The following FCRL3 variants were observed in gnomAD, a reference collection of about 807,000 sequenced individuals.
The protein encoded by FCRL3 is Fc receptor like 3, also known as Fc receptor-like protein 3.
FCRL3 carries 89 observed loss-of-function variants against 75.0 expected under a neutral mutation model. That is an observed-to-expected ratio of 1.19 (90% CI 1.00 to 1.42). The LOEUF (loss-of-function observed/expected upper bound fraction) is 1.42, where lower values mean the gene tolerates loss of function less well. Among genes scored for constraint, FCRL3 ranks in the 40% most tolerant of loss-of-function variants. The probability of loss-of-function intolerance (pLI) is 0.00; values close to 1 mark genes in which losing one functional copy is unlikely to be tolerated. For synonymous variants in FCRL3, 376 were observed against 348.5 expected, an observed-to-expected ratio of 1.08 and a Z score of -0.88; for missense variants, 946 against 880.0, an observed-to-expected ratio of 1.07 and a Z score of -0.95.
Position 157,677,172 on chromosome 1 carries a change from G to A in FCRL3, c.*1538C>T, listed in dbSNP as rs1325661433. ...CACATTTTTTGAGGCCAGCAGCTGT[G>A]GCTTAGCTGGCTTTGCTGGTCGTAA... On this transcript the variant is annotated 3_prime_UTR_variant, in exon 15 of 15. Transcript: ENST00000368184. 1 of 1,008,428 alleles carries A rather than the reference G, an allele frequency of 9.9e-7. No homozygotes were observed. Among genetic ancestry groups the A allele is most frequent in the Non-Finnish European group, 1.2e-6 (1 of 842,792 alleles). 62.5% of individuals were successfully genotyped at this position (1,008,428 alleles called of 1,614,324 possible).
chr1:157,679,342 C>T (rs548875570), intron 13 of FCRL3, among the ~76,000 whole-genome samples: 8 of 152,284 alleles, frequency 5.3e-5, no homozygotes, highest in African/African-American at 1.7e-4. Flanking sequence ...CAATCCACTG[C>T]AGACTTCTAT....
Position 157,697,901 on chromosome 1 carries a change from G to C in FCRL3, c.317C>G (p.Ala106Gly), listed in dbSNP as rs1656056421. Residue 106 changes from alanine (A) to glycine (G), a missense_variant, in exon 5 of 15, where the codon GCT becomes GGT. Transcript: ENST00000368184. ...EFSPDWLILQ[A>G]LHPVFEGDNV... ...GTCTCCTTCAAAGACAGGATGTAAA[G>C]CCTGCAGGATCAGCCAGTCTGCAAA... 1 of 1,613,770 alleles carries C rather than the reference G, an allele frequency of 6.2e-7. No individual in the cohort carries two copies. The highest frequency in any genetic ancestry group is 8.5e-7 in the Non-Finnish European group (1 of 1,179,974).
At chr1:157,695,669 C>T in intron 7 of FCRL3, 62 bp from the exon 8 acceptor site, 2 of 1,524,382 alleles carry the variant, frequency 1.3e-6, no homozygotes, top group Non-Finnish European at 1.8e-6. Flanking sequence ...CAACCTCTCT[C>T]AAGGAGCCTA....
Position 157,692,411 on chromosome 1 carries a change from T to C in FCRL3, c.1412-1878A>G, listed in dbSNP as rs558189870. On this transcript the variant is annotated intron_variant, in intron 8 of 14. Coordinates refer to ENST00000368184, the MANE Select transcript of FCRL3 (RefSeq NM_052939.4). ...ATGCCACCACGCCTTGCTATTCTTT[T>C]GTATTTTTAGTAAAGACAGGGTTTC... Among the ~76,000 whole-genome samples the C allele has an allele frequency of 3.3e-5, 5 of 152,218 alleles. No individual in the cohort carries two copies. The South Asian group carries it at 1.0e-3, about 32-fold the overall frequency.
At position 157,700,014 on chromosome 1, in the gene FCRL3, C is replaced by T. The variant is rs542566846; in HGVS notation, c.32-302G>A. On this transcript the variant is annotated intron_variant, in intron 2 of 14. Coordinates refer to ENST00000368184, the MANE Select transcript of FCRL3 (RefSeq NM_052939.4). ...AGAAATGGTTTATCCTCCTTTCGTT[C>T]CTTGGGCTCCTATTGTTCCCCTCAC... Among the ~76,000 whole-genome samples the T allele has an allele frequency of 2.2e-4, 34 of 152,286 alleles. 1 individual carries two copies. The South Asian group carries it at 7.0e-3, about 32-fold the overall frequency.
chr1:157,687,786 G>T (rs1216504034), intron 10 of FCRL3, among the ~76,000 whole-genome samples: 7 of 151,698 alleles, frequency 4.6e-5, no homozygotes, highest in Non-Finnish European at 8.8e-5. Context: ...ACTACTAGAT[G>T]GGGGAGATGG....
intron 2 of FCRL3, 132 bp downstream of exon 2, chr1:157,700,327 C>T: frequency 7.2e-7 from 1 of 1,381,180 alleles, no homozygotes. Flanking sequence ...GGGAACCCAG[C>T]TCTGCTCACT....
intron 2 of FCRL3, among the ~76,000 whole-genome samples, chr1:157,700,182 T>C (rs535063984): frequency 2.0e-5 from 3 of 151,840 alleles, no homozygotes; most frequent in Admixed American, 2.0e-4. Flanking sequence ...AGAGGGAGGG[T>C]GGGATATAGA....
intron 8 of FCRL3, among the ~76,000 whole-genome samples, chr1:157,694,601 A>G (rs1323207947): frequency 2.0e-5 from 3 of 152,088 alleles, no homozygotes; most frequent in East Asian, 1.9e-4. Context: ...GCCCTTTGGG[A>G]TAACCATGAC....
At chr1:157,690,675 C>CTCTATAAG in intron 8 of FCRL3, 142 bp from the exon 9 acceptor site, 1 of 992,284 alleles carries the variant, frequency 1.0e-6, no homozygotes, top group Non-Finnish European at 1.5e-6. Flanking sequence ...CTGTCTCTAT[C>CTCTATAAG]CTTTATTAGC....
chr1:157,683,638 T>C (rs148629350), intron 10 of FCRL3, among the ~76,000 whole-genome samples: 2 of 152,308 alleles, frequency 1.3e-5, no homozygotes, highest in Admixed American at 6.5e-5. Flanking sequence ...TCAAAATGGA[T>C]ACAGAATTCC....
At chr1:157,695,238 T>C (rs1003016720) in intron 8 of FCRL3, 91 bp downstream of exon 8, 63 of 1,349,562 alleles carry the variant, frequency 4.7e-5, no homozygotes, top group African/African-American at 7.3e-5. Flanking sequence ...TCTATTGGGA[T>C]ATCAACCAGC....
intron 14 of FCRL3, 33 bp downstream of exon 14, chr1:157,678,909 A>G (rs1654634272): frequency 1.2e-6 from 2 of 1,614,032 alleles, no homozygotes; most frequent in African/African-American, 1.3e-5. Flanking sequence ...GAGGAAGGCC[A>G]GAGAGGAAAG....
chr1:157,679,665 C>T (rs1272550609), intron 13 of FCRL3, among the ~76,000 whole-genome samples: 1 of 151,540 alleles, frequency 6.6e-6, no homozygotes, highest in Non-Finnish European at 1.5e-5. Flanking sequence ...CCTGTCTCTA[C>T]TAAAAATACA....
At position 157,680,936 on chromosome 1, in the gene FCRL3, C is replaced by G. The variant is rs765695948; in HGVS notation, c.1957+45G>C. ...GGCTGTCGCTCAATCCCTCTTCCCT[C>G]CCTGGCTCCTCCCTAGAGCCTTCTG... On this transcript the variant is annotated intron_variant, in intron 12 of 14. Coordinates refer to ENST00000368184, the MANE Select transcript of FCRL3 (RefSeq NM_052939.4). The G allele has an allele frequency of 2.6e-6, 4 of 1,516,206 alleles. No homozygotes were observed. The African/African-American group carries it at 5.6e-5, about 21-fold the overall frequency. The allele number at this position is 1,516,206 out of a possible 1,614,324, so 93.9% of individuals were successfully genotyped here.
At chr1:157,683,616 G>GC (rs2101593717) in intron 10 of FCRL3, among the ~76,000 whole-genome samples, 1 of 152,278 alleles carries the variant, frequency 6.6e-6, no homozygotes, top group Non-Finnish European at 1.5e-5. Flanking sequence ...GCCTAGAGGG[G>GC]CCAAGGGATG....
At chr1:157,682,404 T>A (rs1194066681) in intron 11 of FCRL3, among the ~76,000 whole-genome samples, 2 of 152,224 alleles carry the variant, frequency 1.3e-5, no homozygotes, top group Non-Finnish European at 1.5e-5. Flanking sequence ...TTAATCCATC[T>A]TGAATTAATT....
Position 157,680,884 on chromosome 1 carries a change from C to A in FCRL3, c.1957+97G>T, listed in dbSNP as rs41273449. On this transcript the variant is annotated intron_variant, in intron 12 of 14. Coordinates refer to ENST00000368184, the MANE Select transcript of FCRL3 (RefSeq NM_052939.4). ...ATTCCCAGTGTAATGCTAGGAATGT[C>A]ATTTTTAAATTTGTGACAGGGCCAT... The A allele has an allele frequency of 7.3e-3, 10,529 of 1,439,166 alleles. 59 individuals carry two copies. Among genetic ancestry groups the A allele is most frequent in the Middle Eastern group, 0.013 (73 of 5,556 alleles). 89.1% of individuals were successfully genotyped at this position (1,439,166 alleles called of 1,614,324 possible). A position where few individuals can be genotyped will look rare whatever the true frequency, so the allele number is the denominator to read the frequency against.
At chr1:157,684,229 C>T (rs1325909269) in intron 10 of FCRL3, among the ~76,000 whole-genome samples, 1 of 152,140 alleles carries the variant, frequency 6.6e-6, no homozygotes, top group Non-Finnish European at 1.5e-5. Context: ...TCAGGCTTGC[C>T]CCAATACAAG....
Sources: gnomAD v4.1 joint callset for allele counts (sites outside exome capture counted in the v4.1 genomes callset) on GRCh38, gnomAD v4.1.1 for gene constraint, MANE v1.5 for transcripts, NCBI Gene and HGNC (gene_info 2026-07-23, HGNC 2026-07-21) for gene names.